Variants in ARK2C observed in about 807,000 individuals in gnomAD.
The protein encoded by ARK2C is arkadia (RNF111) C-terminal like ring finger ubiquitin ligase 2C.
the ARK2C span, among the ~76,000 whole-genome samples, chr18:46,369,460 T>A: frequency 6.6e-6 from 1 of 152,130 alleles, no homozygotes; most frequent in Admixed American, 6.5e-5. Context: ...ACAGGCCAGC[T>A]TCCGGGGAAT....
chr18:46,444,356 C>T, the ARK2C span, among the ~76,000 whole-genome samples: 2 of 152,098 alleles, frequency 1.3e-5, no homozygotes, highest in Non-Finnish European at 2.9e-5. Context: ...CTGTCATCTA[C>T]CTTCCATCCC....
the ARK2C span, among the ~76,000 whole-genome samples, chr18:46,339,145 TTTTG>T: frequency 6.6e-6 from 1 of 152,212 alleles, no homozygotes; most frequent in Non-Finnish European, 1.5e-5. Flanking sequence ...CCTCTGAAGA[TTTTG>T]TTTGTTTCGT....
At chr18:46,420,203 C>T in the ARK2C span, among the ~76,000 whole-genome samples, 1 of 152,194 alleles carries the variant, frequency 6.6e-6, no homozygotes, top group African/African-American at 2.4e-5. Flanking sequence ...GTAACCACTC[C>T]TGAGAAAAGC....
the ARK2C span, among the ~76,000 whole-genome samples, chr18:46,438,815 T>C: frequency 6.6e-6 from 1 of 152,272 alleles, no homozygotes; most frequent in East Asian, 1.9e-4. Flanking sequence ...TTCGGGCTGA[T>C]AATGGCTTTT....
At chr18:46,343,007 C>CAAGCACTGCT in the ARK2C span, among the ~76,000 whole-genome samples, 1 of 152,234 alleles carries the variant, frequency 6.6e-6, no homozygotes, top group Non-Finnish European at 1.5e-5. Context: ...GCTGTTTTCA[C>CAAGCACTGCT]AAGCACTGCT....
At chr18:46,419,429 A>G in the ARK2C span, among the ~76,000 whole-genome samples, 6 of 152,220 alleles carry the variant, frequency 3.9e-5, no homozygotes, top group South Asian at 8.3e-4. Flanking sequence ...AAGACACAAC[A>G]TGCTTGTTTT....
At chr18:46,354,646 T>C in the ARK2C span, among the ~76,000 whole-genome samples, 1 of 152,260 alleles carries the variant, frequency 6.6e-6, no homozygotes, top group East Asian at 1.9e-4. Flanking sequence ...CATGCTAAGA[T>C]GCATGCGCTT....
the ARK2C span, chr18:46,463,003 T>C: frequency 6.6e-6 from 1 of 152,272 alleles, no homozygotes; most frequent in Admixed American, 6.5e-5. Flanking sequence ...GAAGAATATT[T>C]ATTATGAATA....
chr18:46,388,638 T>C, the ARK2C span, among the ~76,000 whole-genome samples: 1 of 152,230 alleles, frequency 6.6e-6, no homozygotes, highest in African/African-American at 2.4e-5. Flanking sequence ...TTCTTTTCAC[T>C]CGGGAGGTTT....
the ARK2C span, among the ~76,000 whole-genome samples, chr18:46,361,881 T>C: frequency 6.6e-6 from 1 of 152,260 alleles, no homozygotes; most frequent in African/African-American, 2.4e-5. Context: ...CTCTGGAAGA[T>C]CCTTTTCAGC....
At chr18:46,347,730 C>T in the ARK2C span, among the ~76,000 whole-genome samples, 4 of 152,054 alleles carry the variant, frequency 2.6e-5, no homozygotes, top group African/African-American at 9.7e-5. Context: ...CCCCTGCCTG[C>T]TCCTAGGAGG....
At chr18:46,334,281 C>G in the ARK2C span, 2 of 1,572,234 alleles carry the variant, frequency 1.3e-6, no homozygotes, top group Non-Finnish European at 1.7e-6. The surrounding 1 kb of genome is among the most constrained non-coding windows in gnomAD (Gnocchi z 4.4). Context: ...CAGGATGGTC[C>G]TGGTCCACGT....
At chr18:46,410,059 T>G in the ARK2C span, among the ~76,000 whole-genome samples, 3 of 152,198 alleles carry the variant, frequency 2.0e-5, no homozygotes, top group African/African-American at 7.2e-5. Flanking sequence ...TACTGCCAAC[T>G]GTGGGCCCTG....
At chr18:46,350,832 T>A in the ARK2C span, among the ~76,000 whole-genome samples, 1 of 152,210 alleles carries the variant, frequency 6.6e-6, no homozygotes, top group African/African-American at 2.4e-5. Context: ...CAATATTATA[T>A]CTCTGACATA....
chr18:46,362,520 T>G, the ARK2C span, among the ~76,000 whole-genome samples: 1 of 152,070 alleles, frequency 6.6e-6, no homozygotes, highest in South Asian at 2.1e-4. Flanking sequence ...CACTCAGGGG[T>G]TTTCTGTCCC....
the ARK2C span, among the ~76,000 whole-genome samples, chr18:46,376,417 T>C: frequency 1.7e-4 from 26 of 152,246 alleles, no homozygotes; most frequent in Admixed American, 2.6e-4. Flanking sequence ...TGCCTAGTTT[T>C]GAACTTTGTT....
chr18:46,398,309 G>A, the ARK2C span, among the ~76,000 whole-genome samples: 29 of 151,668 alleles, frequency 1.9e-4, no homozygotes, highest in African/African-American at 6.3e-4. Context: ...CAGTGAGGCC[G>A]CAGGGCAGGA....
the ARK2C span, among the ~76,000 whole-genome samples, chr18:46,437,033 T>C: frequency 7.9e-5 from 12 of 152,138 alleles, no homozygotes; most frequent in African/African-American, 2.9e-4. Flanking sequence ...TCAGCTTTCT[T>C]TATAGAGCCA....
the ARK2C span, among the ~76,000 whole-genome samples, chr18:46,370,737 C>G: frequency 2.6e-5 from 4 of 152,148 alleles, no homozygotes; most frequent in African/African-American, 9.7e-5. Flanking sequence ...CTCTGGGTGG[C>G]AAGACCCAAT....
Sources: allele counts gnomAD v4.1 joint callset (sites outside exome capture counted in the v4.1 genomes callset), GRCh38; gene constraint gnomAD v4.1.1; non-coding constraint Gnocchi (gnomAD v3.1); transcripts MANE v1.5; gene names NCBI Gene and HGNC (gene_info 2026-07-23, HGNC 2026-07-21).